The following PLCXD3 variants were observed in gnomAD, a reference collection of about 807,000 sequenced individuals.
The protein encoded by PLCXD3 is phosphatidylinositol specific phospholipase C X domain containing 3.
A neutral mutation model predicts 25.5 loss-of-function variants in PLCXD3; 19 were observed. The observed-to-expected ratio is 0.75, with a 90% CI of 0.52 to 1.09. PLCXD3 has a LOEUF of 1.09. PLCXD3 is among the 50% of genes least tolerant of loss of function. The probability of loss-of-function intolerance (pLI) is 0.00; values close to 1 mark genes in which losing one functional copy is unlikely to be tolerated. For synonymous variants in PLCXD3, 174 were observed against 137.6 expected, an observed-to-expected ratio of 1.26 and a Z score of -1.85; for missense variants, 411 against 388.1, an observed-to-expected ratio of 1.06 and a Z score of -0.50.
intron 1 of PLCXD3, 31 bp downstream of exon 1, chr5:41,510,393 A>G (rs1561294770): frequency 2.6e-6 from 4 of 1,563,626 alleles, no homozygotes; most frequent in Admixed American, 3.6e-5. Flanking sequence ...GCGGGCGCCG[A>G]GCGCCTAGCC....
At chr5:41,506,494 G>A (rs1285117110) in intron 1 of PLCXD3, among the ~76,000 whole-genome samples, 1 of 152,178 alleles carries the variant, frequency 6.6e-6, no homozygotes. Context: ...GGGGTAGGAG[G>A]TGAGAACTGC....
chr5:41,343,594 G>T (rs559906132), intron 2 of PLCXD3, among the ~76,000 whole-genome samples: 1 of 152,156 alleles, frequency 6.6e-6, no homozygotes, highest in Middle Eastern at 3.4e-3. Context: ...CACAAACTTA[G>T]TTTGTGTCTA....
chr5:41,479,756 T>C (rs554959555), intron 1 of PLCXD3, among the ~76,000 whole-genome samples: 28 of 152,002 alleles, frequency 1.8e-4, no homozygotes, highest in Admixed American at 5.2e-4. Context: ...AGAGTAGGCA[T>C]AGACTTTAAA....
Position 41,475,563 on chromosome 5 carries a change from C to T in PLCXD3, c.103+34861G>A, listed in dbSNP as rs1476699226. On this transcript the variant is annotated intron_variant, in intron 1 of 2. Transcript: ENST00000377801. ...CTCTACTTATTTCTATTTATCCCTA[C>T]TTATCTCTGTTTATCCCTGTAGGCC... is the stretch of plus-strand genomic sequence containing the variant. 3 of 526,210 alleles carry T rather than the reference C, an allele frequency of 5.7e-6. No individual in the cohort carries two copies. The East Asian group carries it at 1.6e-4, about 29-fold the overall frequency. The allele number at this position is 526,210 out of a possible 1,614,324, so 32.6% of individuals were successfully genotyped here. A position where few individuals can be genotyped will look rare whatever the true frequency, so the allele number is the denominator to read the frequency against.
chr5:41,482,533 G>T (rs913612661), intron 1 of PLCXD3, among the ~76,000 whole-genome samples: 14 of 152,114 alleles, frequency 9.2e-5, no homozygotes, highest in African/African-American at 3.1e-4. Flanking sequence ...ACTAAAGAAG[G>T]AGAGACCTAA....
intron 1 of PLCXD3, among the ~76,000 whole-genome samples, chr5:41,411,453 T>G (rs770341166): frequency 2.0e-5 from 3 of 152,178 alleles, no homozygotes; most frequent in Non-Finnish European, 4.4e-5. Flanking sequence ...CCCTTTCTCT[T>G]CCTCTAGCCT....
chr5:41,318,693 C>G (rs888755940), intron 2 of PLCXD3, among the ~76,000 whole-genome samples: 1 of 152,100 alleles, frequency 6.6e-6, no homozygotes, highest in South Asian at 2.1e-4. Flanking sequence ...GAAGAGAAGA[C>G]CACAACACAA....
At chr5:41,399,982 C>G (rs936478992) in intron 1 of PLCXD3, among the ~76,000 whole-genome samples, 19 of 152,130 alleles carry the variant, frequency 1.2e-4, no homozygotes, top group Admixed American at 3.9e-4. Flanking sequence ...GGAGCTCAAA[C>G]AGCTGTATAG....
At chr5:41,396,932 C>T (rs1383425363) in intron 1 of PLCXD3, among the ~76,000 whole-genome samples, 1 of 152,194 alleles carries the variant, frequency 6.6e-6, no homozygotes, top group Non-Finnish European at 1.5e-5. Context: ...CCAGATGTGG[C>T]CTTGCTGCTT....
At chr5:41,364,227 G>A (rs572725457) in intron 2 of PLCXD3, among the ~76,000 whole-genome samples, 5 of 152,150 alleles carry the variant, frequency 3.3e-5, no homozygotes, top group Admixed American at 6.6e-5. Flanking sequence ...TTCCCGCAAC[G>A]AATTACCTTG....
At chr5:41,333,093 A>G (rs1743877980) in intron 2 of PLCXD3, among the ~76,000 whole-genome samples, 1 of 151,994 alleles carries the variant, frequency 6.6e-6, no homozygotes. Flanking sequence ...TTAAAGTATA[A>G]TAATAATAAA....
At chr5:41,319,175 TC>T (rs1452277385) in intron 2 of PLCXD3, among the ~76,000 whole-genome samples, 2 of 152,066 alleles carry the variant, frequency 1.3e-5, no homozygotes, top group Non-Finnish European at 2.9e-5. Flanking sequence ...GCCAGAGACC[TC>T]AACACCCTAC....
At chr5:41,483,774 T>A (rs1414989450) in intron 1 of PLCXD3, among the ~76,000 whole-genome samples, 2 of 152,174 alleles carry the variant, frequency 1.3e-5, no homozygotes, top group East Asian at 3.8e-4. Context: ...TATTTCAGTC[T>A]TAAAAGGAAT....
At chr5:41,498,382 A>G (rs1280196279) in intron 1 of PLCXD3, among the ~76,000 whole-genome samples, 1 of 151,322 alleles carries the variant, frequency 6.6e-6, no homozygotes, top group Admixed American at 6.6e-5. Flanking sequence ...AGATGCTACT[A>G]TAAACAATTA....
At chr5:41,466,711 C>A (rs767387731) in intron 1 of PLCXD3, among the ~76,000 whole-genome samples, 3 of 152,052 alleles carry the variant, frequency 2.0e-5, no homozygotes, top group Non-Finnish European at 4.4e-5. Context: ...CCCACCAACT[C>A]CCTGCCTCCC....
At chr5:41,321,207 T>C (rs1743462009) in intron 2 of PLCXD3, among the ~76,000 whole-genome samples, 1 of 152,136 alleles carries the variant, frequency 6.6e-6, no homozygotes, top group Admixed American at 6.5e-5. Context: ...ATAAAGACTC[T>C]GTAAGAAAAC....
At chr5:41,495,829 A>G (rs1417287443) in intron 1 of PLCXD3, among the ~76,000 whole-genome samples, 1 of 152,148 alleles carries the variant, frequency 6.6e-6, no homozygotes, top group African/African-American at 2.4e-5. Context: ...CATAAATACC[A>G]ACACAAAGGT....
chr5:41,332,223 C>A (rs1219215712), intron 2 of PLCXD3, among the ~76,000 whole-genome samples: 1 of 152,018 alleles, frequency 6.6e-6, no homozygotes, highest in Non-Finnish European at 1.5e-5. Context: ...CCAGAATCTA[C>A]AATGAACTCC....
intron 1 of PLCXD3, among the ~76,000 whole-genome samples, chr5:41,430,598 C>T (rs1455424996): frequency 6.6e-6 from 1 of 152,058 alleles, no homozygotes; most frequent in Non-Finnish European, 1.5e-5. Flanking sequence ...CTTCATCTGT[C>T]CAGAATCAAC....
Sources: allele counts gnomAD v4.1 joint callset (sites outside exome capture counted in the v4.1 genomes callset), GRCh38; gene constraint gnomAD v4.1.1; transcripts MANE v1.5; gene names NCBI Gene and HGNC (gene_info 2026-07-23, HGNC 2026-07-21).